The following AKAP8L variants were observed in gnomAD, a reference collection of about 807,000 sequenced individuals.
AKAP8L encodes A-kinase anchor protein 8-like.
A neutral mutation model predicts 77.5 loss-of-function variants in AKAP8L; 34 were observed. That is an observed-to-expected ratio of 0.44 (90% CI 0.33 to 0.58). The LOEUF (loss-of-function observed/expected upper bound fraction) is 0.58. Among genes scored for constraint, AKAP8L ranks in the 20% least tolerant of loss-of-function variants. The pLI is 0.02. For missense variants in AKAP8L, 806 were observed against 887.6 expected, an observed-to-expected ratio of 0.91 and a Z score of 1.17; for synonymous variants, 342 against 340.7, an observed-to-expected ratio of 1.00 and a Z score of -0.04.
intron 12 of AKAP8L, among the ~76,000 whole-genome samples, chr19:15,386,968 T>C (rs1367163193): frequency 6.6e-6 from 1 of 152,136 alleles, no homozygotes; most frequent in African/African-American, 2.4e-5. Flanking sequence ...CGGATGTCAG[T>C]ATCTCTCATC....
chr19:15,380,067 A>G lies in AKAP8L; in HGVS notation c.*55T>C. 9.6e-6 allele frequency: 13 copies of G among 1,353,360 alleles called. No homozygotes were observed. The South Asian group carries it at 1.9e-4, about 20-fold the overall frequency. 83.8% of individuals were successfully genotyped at this position (1,353,360 alleles called of 1,614,324 possible). On this transcript the variant is annotated 3_prime_UTR_variant, in exon 14 of 14. Coordinates refer to ENST00000397410, the MANE Select transcript of AKAP8L (RefSeq NM_014371.4). ...CCCGGAGGTGGGATGGGAAAACTTT[A>G]TTAGGTTTGGTTTCCAGCTTCGGCC...
rs760493881 is a variant in AKAP8L at position 15,401,585 on chromosome 19, G to A, written c.381C>T (p.Ser127=). Residue 127 remains serine, a synonymous_variant, in exon 5 of 14, where the codon TCC becomes TCT. Coordinates refer to ENST00000397410, the MANE Select transcript of AKAP8L (RefSeq NM_014371.4). This position sits in a 1 kb window ranked among gnomAD's most constrained non-coding sequence, Gnocchi z 6.2. ...CACTCAGGACGGCCCTCGAGTCGCAGGACTCATAAGAGTCATACCTGCAGA... is the reference window on the plus strand; with the variant it reads ...CACTCAGGACGGCCCTCGAGTCGCAAGACTCATAAGAGTCATACCTGCAGA... ...SGGERYDSYE[S]CDSRAVLSER... 1.2e-6 allele frequency: 2 copies of A among 1,601,728 alleles called. No homozygotes were observed. Among genetic ancestry groups the A allele is most frequent in the South Asian group, 1.1e-5 (1 of 89,826 alleles).
chr19:15,380,596 G>A lies in AKAP8L; in HGVS notation c.1553C>T (p.Ser518Phe). 1.9e-6 allele frequency: 3 copies of A among 1,613,664 alleles called. No individual in the cohort carries two copies. Among genetic ancestry groups the A allele is most frequent in the Non-Finnish European group, 2.5e-6 (3 of 1,179,884 alleles). ...GGCCACCATGAGGGAGGACTTCTTG[G>A]ACTGCTCCATCATGAGCTGCGGGCA... ...NRNRRLMMEQ[S>F]KKSSLMVARS... The change falls in exon 13 of 14, where the codon TCC becomes TTC. Residue 518 changes from serine to phenylalanine, a missense_variant. Around this residue, in one of 2 missense-constraint regions of AKAP8L, gnomAD observed 226 missense variants for 193.5 expected, o/e 1.17. Transcript: ENST00000397410.
chr19:15,380,712 AC>A (rs1967392662), intron 12 of AKAP8L, 100 bp from the exon 13 acceptor site: 2 of 1,043,248 alleles, frequency 1.9e-6, no homozygotes, highest in Non-Finnish European at 2.9e-6. Flanking sequence ...CCGCCCCTGC[AC>A]CCACGCACTT....
At chr19:15,413,996 C>T (rs772312695) in intron 1 of AKAP8L, among the ~76,000 whole-genome samples, 11 of 152,116 alleles carry the variant, frequency 7.2e-5, no homozygotes, top group South Asian at 4.1e-4. Flanking sequence ...TCCACAATAC[C>T]ATCTGCAAAG....
chr19:15,388,619 G>A (rs1967589759), intron 12 of AKAP8L, among the ~76,000 whole-genome samples: 1 of 152,098 alleles, frequency 6.6e-6, no homozygotes, highest in Non-Finnish European at 1.5e-5. Context: ...TTGAACTTAA[G>A]AATTAGTGAA....
Position 15,399,196 on chromosome 19 carries a change from CCCAAGGGAGGCCA to C in AKAP8L, c.1157+93_1157+105del. 13 of 1,041,986 alleles carry C rather than the reference CCCAAGGGAGGCCA, an allele frequency of 1.2e-5. No homozygotes were observed. The highest frequency in any genetic ancestry group is 1.9e-5 in the Non-Finnish European group (13 of 686,036). 64.5% of individuals were successfully genotyped at this position (1,041,986 alleles called of 1,614,324 possible). ...ATGCACGGCCGAGCAGGTGGCGGCT[CCCAAGGGAGGCCA>C]GAGGGCGGCGAGCTGGCAGAGCTAT... On this transcript the variant is annotated intron_variant, in intron 9 of 13. Transcript: ENST00000397410. The surrounding 1 kb of genome is among the most constrained non-coding windows in gnomAD (Gnocchi z 6.1).
chr19:15,389,079 C>G (rs1043354859), intron 12 of AKAP8L, among the ~76,000 whole-genome samples: 2 of 148,760 alleles, frequency 1.3e-5, no homozygotes, highest in African/African-American at 4.9e-5. Context: ...AAAAAATTAG[C>G]CGGGCGTGGT....
chr19:15,395,895 A>G (rs1047600418), intron 12 of AKAP8L, among the ~76,000 whole-genome samples: 1 of 140,478 alleles, frequency 7.1e-6, no homozygotes, highest in African/African-American at 2.7e-5. Context: ...GAGGCAGGAG[A>G]ATGGCGTGAA....
chr19:15,394,201 G>A (rs1012383739), intron 12 of AKAP8L, among the ~76,000 whole-genome samples: 1 of 151,482 alleles, frequency 6.6e-6, no homozygotes, highest in Non-Finnish European at 1.5e-5. Flanking sequence ...AACAAAATGT[G>A]CCACATCTAT....
rs756587158 is a variant in AKAP8L, at chr19:15,403,600, G to A, written c.237C>T (p.Asn79=). 6.2e-6 allele frequency: 10 copies of A among 1,613,890 alleles called. No individual in the cohort carries two copies. Among genetic ancestry groups the A allele is most frequent in the Admixed American group, 3.3e-5 (2 of 60,006 alleles). The change falls in exon 4 of 14, where the codon AAC becomes AAT. Residue 79 remains asparagine, a synonymous_variant. Coordinates refer to ENST00000397410, the MANE Select transcript of AKAP8L (RefSeq NM_014371.4). The surrounding 1 kb of genome is among the most constrained non-coding windows in gnomAD (Gnocchi z 4.3). ...WEMPSSDTNA[N]TSASGSASAD... ...CACTGGCGCTACCCGAGGCACTAGT[G>A]TTTGCATTTGTGTCAGAGCTAGGCA... is the stretch of plus-strand genomic sequence containing the variant.
In AKAP8L at chr19:15,380,347, C is replaced by T. The variant is rs1967376516; in HGVS notation, c.1716G>A (p.Gln572=). The T allele has an allele frequency of 3.9e-6, 6 of 1,548,868 alleles. No homozygotes were observed. Among genetic ancestry groups the T allele is most frequent in the African/African-American group, 1.4e-5 (1 of 73,424 alleles). The stretch of plus-strand genomic sequence containing the variant: ...CCTCCGAGATCCCTGCCGCTTCGCC[C>T]TGCGCCCCCTCGTCCAGGGCACCGC... ...AEGGALDEGA[Q]GEAAGISEGA... is the part of the protein sequence containing the mutation. The change falls in exon 14 of 14, where the codon CAG becomes CAA. Residue 572 remains glutamine, a synonymous_variant. Coordinates refer to ENST00000397410, the MANE Select transcript of AKAP8L (RefSeq NM_014371.4).
intron 12 of AKAP8L, among the ~76,000 whole-genome samples, chr19:15,390,375 C>T (rs1014179374): frequency 1.1e-4 from 16 of 146,078 alleles, no homozygotes; most frequent in Admixed American, 4.2e-4. Flanking sequence ...GCCGAGATCA[C>T]ACCGTTGCAC....
At chr19:15,406,158 G>A (rs1967992030) in intron 2 of AKAP8L, among the ~76,000 whole-genome samples, 1 of 152,024 alleles carries the variant, frequency 6.6e-6, no homozygotes, top group Admixed American at 6.6e-5. Flanking sequence ...AGTCCCTCCA[G>A]GCAAACACTC....
chr19:15,418,636 G>C (rs915144944), intron 1 of AKAP8L, among the ~76,000 whole-genome samples: 1 of 152,224 alleles, frequency 6.6e-6, no homozygotes, highest in Admixed American at 6.5e-5. Context: ...TGGGGGCGGA[G>C]ACCTCGTGCG....
In AKAP8L at chr19:15,397,532, C is replaced by T; in HGVS notation, c.1393G>A (p.Asp465Asn). The change falls in exon 11 of 14, where the codon GAT becomes AAT. Residue 465 changes from aspartate to asparagine, a missense_variant. Asp to Asn is a conservative substitution (Grantham distance 23, BLOSUM62 1). This residue lies in a region of AKAP8L where 580 missense variants were observed against 694.1 expected (regional missense o/e 0.84). Transcript: ENST00000397410. This position sits in a 1 kb window ranked among gnomAD's most constrained non-coding sequence, Gnocchi z 4.7. ...GLIQQIYRDQ[D>N]LTQEIAMEHF... Reference sequence around the variant, plus strand: ...AAAATCTCCTCACCCTGGGTCAGATCCTGGTCTCTGTAGATTTGCTGGATG... The same window carrying T: ...AAAATCTCCTCACCCTGGGTCAGATTCTGGTCTCTGTAGATTTGCTGGATG... 1.2e-6 allele frequency: 2 copies of T among 1,613,200 alleles called. No homozygotes were observed. The highest frequency in any genetic ancestry group is 1.7e-6 in the Non-Finnish European group (2 of 1,179,724).
At chr19:15,404,067 C>A (rs369621574) in intron 2 of AKAP8L, 25 bp from the exon 3 acceptor site, 1 of 1,611,744 alleles carries the variant, frequency 6.2e-7, no homozygotes, top group African/African-American at 1.3e-5. Context: ...AGGGCAGTTA[C>A]ATCTATACTT....
intron 1 of AKAP8L, among the ~76,000 whole-genome samples, chr19:15,416,249 A>C (rs1968205371): frequency 6.6e-6 from 1 of 152,202 alleles, no homozygotes; most frequent in Non-Finnish European, 1.5e-5. Flanking sequence ...GGTGACAACC[A>C]TCCTCAAAGA....
intron 12 of AKAP8L, among the ~76,000 whole-genome samples, chr19:15,396,663 T>C (rs542780606): frequency 3.5e-4 from 54 of 152,178 alleles, no homozygotes; most frequent in Non-Finnish European, 6.2e-4. Context: ...TGGGGTCTCC[T>C]CTTGTCTGGA....
Sources: gnomAD v4.1 joint callset for allele counts (sites outside exome capture counted in the v4.1 genomes callset) on GRCh38, gnomAD v4.1.1 for gene constraint, gnomAD v4.1.1 regional missense constraint, Gnocchi (gnomAD v3.1) non-coding constraint, MANE v1.5 for transcripts, NCBI Gene and HGNC (gene_info 2026-07-23, HGNC 2026-07-21) for gene names.